Variants in DHCR24 observed in about 807,000 individuals in gnomAD.
DHCR24 encodes the protein 24-dehydrocholesterol reductase.
In DHCR24, 28 loss-of-function variants were observed where a neutral mutation model predicts 61.2. That is an observed-to-expected ratio of 0.46 (90% CI 0.34 to 0.63). The LOEUF is 0.63. DHCR24 is among the 20% of genes least tolerant of loss of function. DHCR24 has a pLI of 0.01. For synonymous variants in DHCR24, 261 were observed against 275.9 expected, an observed-to-expected ratio of 0.95 and a Z score of 0.54; for missense variants, 538 against 679.1, an observed-to-expected ratio of 0.79 and a Z score of 2.31.
chr1:54,853,907 G>C (rs1201884327), intron 7 of DHCR24, 130 bp downstream of exon 7: 1 of 960,952 alleles, frequency 1.0e-6, no homozygotes, highest in East Asian at 2.6e-5. Flanking sequence ...TAGGGACAAG[G>C]ACCTCATCTT....
chr1:54,882,477 C>T (rs919563969), intron 2 of DHCR24, among the ~76,000 whole-genome samples: 2 of 152,222 alleles, frequency 1.3e-5, no homozygotes, highest in African/African-American at 2.4e-5. Context: ...ATGATCTAGC[C>T]ATTCCATTCC....
intron 6 of DHCR24, among the ~76,000 whole-genome samples, chr1:54,860,402 A>G (rs78842553): frequency 0.032 from 4,862 of 152,216 alleles, 133 homozygotes; most frequent in Middle Eastern, 0.075. Flanking sequence ...CTTGTTAACT[A>G]GAACCCTGAA....
intron 6 of DHCR24, among the ~76,000 whole-genome samples, chr1:54,858,696 G>A (rs1339805520): frequency 1.3e-5 from 2 of 152,126 alleles, no homozygotes; most frequent in African/African-American, 4.8e-5. Context: ...GGAGAGCAAT[G>A]GCGCGATCTC....
intron 4 of DHCR24, among the ~76,000 whole-genome samples, chr1:54,874,608 A>T (rs1029333332): frequency 2.0e-5 from 3 of 152,160 alleles, no homozygotes; most frequent in Admixed American, 6.6e-5. Context: ...ACATATCCCT[A>T]CTGTTCTGTG....
Position 54,852,299 on chromosome 1 carries a change from C to G in DHCR24, c.1485G>C (p.Glu495Asp). The G allele has an allele frequency of 2.5e-6, 4 of 1,614,242 alleles. No homozygotes were observed. Among genetic ancestry groups the G allele is most frequent in the Non-Finnish European group, 3.4e-6 (4 of 1,180,044 alleles). ...FDGSLYHKLR[E>D]KLGCQDAFPE... is the part of the protein sequence containing the mutation. ...GGAAGGCGTCCTGGCAACCCAGCTT[C>G]TCTCGCAGCTTGTGGTACAAGGAGC... The change falls in exon 9 of 9, where the codon GAG (glutamate) becomes GAC (aspartate). Residue 495 changes from glutamate (E) to aspartate (D), a missense_variant. Transcript: ENST00000371269.
chr1:54,886,312 G>A (rs1043562191), intron 1 of DHCR24, among the ~76,000 whole-genome samples: 1 of 152,112 alleles, frequency 6.6e-6, no homozygotes, highest in African/African-American at 2.4e-5. Context: ...CCCGCTTCTG[G>A]GCTGGGTTCT....
chr1:54,886,117 G>A (rs1647093387), intron 1 of DHCR24, among the ~76,000 whole-genome samples: 1 of 152,216 alleles, frequency 6.6e-6, no homozygotes, highest in South Asian at 2.1e-4. Context: ...ATGCCAACAA[G>A]AGAGGAACAT....
chr1:54,852,483 T>C, intron 8 of DHCR24, 97 bp from the exon 9 acceptor site: 1 of 1,367,316 alleles, frequency 7.3e-7, no homozygotes, highest in Non-Finnish European at 1.0e-6. Flanking sequence ...CAGAAAAGGC[T>C]TTTGGAGGAT....
intron 6 of DHCR24, among the ~76,000 whole-genome samples, chr1:54,857,091 C>T (rs1000826717): frequency 7.9e-5 from 12 of 152,238 alleles, no homozygotes; most frequent in African/African-American, 2.9e-4. Context: ...CATTCCTTTT[C>T]CAGTCTTAGC....
rs1646868995 is a variant in DHCR24, at chr1:54,850,473, C to G, written c.*1760G>C. 1.3e-5 allele frequency: 2 copies of G among 152,248 alleles called. No homozygotes were observed. Among genetic ancestry groups the G allele is most frequent in the African/African-American group, 2.4e-5 (1 of 41,454 alleles). 9.4% of individuals were successfully genotyped at this position (152,248 alleles called of 1,614,324 possible). On this transcript the variant is annotated 3_prime_UTR_variant, in exon 9 of 9. Transcript: ENST00000371269. ...GGTGGTTCCTTTGCCTTCTGAGTGCCTGGATGCCCCCAGCCCTCACAAGAC... is the reference window on the plus strand; with the variant it reads ...GGTGGTTCCTTTGCCTTCTGAGTGCGTGGATGCCCCCAGCCCTCACAAGAC...
At chr1:54,873,146 T>C (rs1333863982) in intron 4 of DHCR24, among the ~76,000 whole-genome samples, 2 of 152,250 alleles carry the variant, frequency 1.3e-5, no homozygotes, top group Non-Finnish European at 2.9e-5. Context: ...GATTACGTGC[T>C]ACATAAAGAC....
At chr1:54,884,013 C>T (rs930667809) in intron 1 of DHCR24, among the ~76,000 whole-genome samples, 2 of 152,168 alleles carry the variant, frequency 1.3e-5, no homozygotes, top group African/African-American at 4.8e-5. Context: ...AAGAGAGGAT[C>T]GAAGTGTTCT....
Position 54,850,115 on chromosome 1 carries a change from G to A in DHCR24, c.*2118C>T, listed in dbSNP as rs1004912019. On this transcript the variant is annotated 3_prime_UTR_variant, in exon 9 of 9. Transcript: ENST00000371269. ...AGATTTTACTGGAGCAACATAACCG[G>A]AGGGTGTGATTCCAAAATACCTTCC... 2 of 152,224 alleles carry A rather than the reference G, an allele frequency of 1.3e-5. No individual in the cohort carries two copies. The highest frequency in any genetic ancestry group is 1.3e-4 in the Admixed American group (2 of 15,286). 9.4% of individuals were successfully genotyped at this position (152,224 alleles called of 1,614,324 possible). A position where few individuals can be genotyped will look rare whatever the true frequency, so the allele number is the denominator to read the frequency against.
At chr1:54,854,946 C>T (rs1646898650) in intron 6 of DHCR24, among the ~76,000 whole-genome samples, 1 of 152,194 alleles carries the variant, frequency 6.6e-6, no homozygotes, top group South Asian at 2.1e-4. Flanking sequence ...TTCCCTCCAG[C>T]TCTGCCCACC....
intron 3 of DHCR24, among the ~76,000 whole-genome samples, chr1:54,875,646 G>C (rs770029014): frequency 1.1e-4 from 17 of 152,146 alleles, no homozygotes; most frequent in Non-Finnish European, 2.5e-4. Context: ...GAGGAGAAGA[G>C]AGACTATACT....
chr1:54,879,580 T>A (rs776776229), intron 2 of DHCR24, among the ~76,000 whole-genome samples: 13 of 152,000 alleles, frequency 8.6e-5, no homozygotes, highest in Non-Finnish European at 1.5e-4. Context: ...GTCTCTAAAC[T>A]AGATGAGAAA....
At chr1:54,879,978 G>T (rs1032896678) in intron 2 of DHCR24, among the ~76,000 whole-genome samples, 17 of 151,964 alleles carry the variant, frequency 1.1e-4, no homozygotes, top group Non-Finnish European at 2.4e-4. Context: ...TGTAAGAAAA[G>T]AAATGAAATA....
chr1:54,883,790 G>A lies in DHCR24; in HGVS notation c.232-17C>T, dbSNP rs889752946. On this transcript the variant is annotated splice_polypyrimidine_tract_variant and intron_variant, in intron 1 of 8. Transcript: ENST00000371269. The surrounding 1 kb of genome is among the most constrained non-coding windows in gnomAD (Gnocchi z 4.3). Reference sequence around the variant, plus strand: ...TTCCCGCACCTGCAACCACAGGACAGAGGGTGAGCTGGCCCCACTGGGAAT... The same window carrying A: ...TTCCCGCACCTGCAACCACAGGACAAAGGGTGAGCTGGCCCCACTGGGAAT... 2.5e-6 allele frequency: 4 copies of A among 1,613,674 alleles called. No individual in the cohort carries two copies. The highest frequency in any genetic ancestry group is 3.4e-4 in the Middle Eastern group (2 of 5,866).
chr1:54,868,822 T>C (rs1459084766), intron 5 of DHCR24, among the ~76,000 whole-genome samples: 1 of 151,724 alleles, frequency 6.6e-6, no homozygotes, highest in Non-Finnish European at 1.5e-5. Context: ...AATCCCAGCA[T>C]TTTGGGAGGC....
Sources: allele counts gnomAD v4.1 joint callset (sites outside exome capture counted in the v4.1 genomes callset), GRCh38; gene constraint gnomAD v4.1.1; non-coding constraint Gnocchi (gnomAD v3.1); transcripts MANE v1.5; gene names NCBI Gene and HGNC (gene_info 2026-07-23, HGNC 2026-07-21).